TTC23L: variants seen among roughly 807,000 people sequenced by gnomAD.
TTC23L encodes tetratricopeptide repeat protein 23-like.
Under a neutral mutation model 48.1 loss-of-function variants are expected in TTC23L, and 42 were observed. The observed-to-expected ratio is 0.87, with a 90% CI of 0.68 to 1.13. The LOEUF is 1.13. Among genes scored for constraint, TTC23L ranks in the 50% most tolerant of loss-of-function variants. The pLI is 0.00. For missense variants in TTC23L, 391 were observed against 421.0 expected (o/e 0.93, Z 0.62); for synonymous variants, 159 against 157.2 (o/e 1.01, Z -0.09).
intron 4 of TTC23L, among the ~76,000 whole-genome samples, chr5:34,852,542 T>C (rs1050524358): frequency 5.3e-5 from 8 of 152,310 alleles, no homozygotes; most frequent in Non-Finnish European, 7.4e-5. Flanking sequence ...TAGGCCGTTA[T>C]CCTGCCCAGA....
chr5:34,906,332 G>A, the TTC23L span: 1 of 151,990 alleles, frequency 6.6e-6, no homozygotes. Flanking sequence ...ATTCTTTTTA[G>A]ATTCAACTTT....
the TTC23L span, chr5:34,922,887 A>T: frequency 8.1e-7 from 1 of 1,227,788 alleles, no homozygotes; most frequent in South Asian, 1.3e-5. Context: ...TGGATTATCA[A>T]TTCTTTCAGG....
At chr5:34,857,926 C>T (rs914495380) in intron 4 of TTC23L, among the ~76,000 whole-genome samples, 1 of 152,160 alleles carries the variant, frequency 6.6e-6, no homozygotes, top group African/African-American at 2.4e-5. Context: ...AGATGCTGAT[C>T]AAAGGTGACT....
chr5:34,863,801 C>T lies in TTC23L; in HGVS notation c.537-636C>T, dbSNP rs1468608659. Among the ~76,000 whole-genome samples, 2 of 152,168 alleles carry T rather than the reference C, an allele frequency of 1.3e-5. No individual in the cohort carries two copies. Among genetic ancestry groups the T allele is most frequent in the Non-Finnish European group, 2.9e-5 (2 of 68,028 alleles). On this transcript the variant is annotated intron_variant, in intron 5 of 10. Coordinates refer to ENST00000505624, the Ensembl canonical transcript of TTC23L. This position sits in a 1 kb window ranked among gnomAD's most constrained non-coding sequence, Gnocchi z 4.1. ...AGATGTTAAGGGCATTTGATGTTCA[C>T]GCATCATCATGAGCACTCTTTGAGC...
chr5:34,862,351 C>T (rs1442076866), intron 4 of TTC23L, among the ~76,000 whole-genome samples: 2 of 152,082 alleles, frequency 1.3e-5, no homozygotes, highest in Non-Finnish European at 2.9e-5. Flanking sequence ...CATTCATAAG[C>T]CCTTGTATTT....
intron 8 of TTC23L, among the ~76,000 whole-genome samples, chr5:34,872,026 A>C (rs1761501120): frequency 6.6e-6 from 1 of 152,100 alleles, no homozygotes; most frequent in Non-Finnish European, 1.5e-5. Context: ...GCCTGGATAC[A>C]AACTAAATAC....
chr5:34,855,607 A>G (rs1760063751), intron 4 of TTC23L, among the ~76,000 whole-genome samples: 1 of 152,234 alleles, frequency 6.6e-6, no homozygotes, highest in African/African-American at 2.4e-5. Flanking sequence ...AGCATCATTC[A>G]TGATAGGAAA....
chr5:34,924,750 CA>C, the TTC23L span: 1 of 705,792 alleles, frequency 1.4e-6, no homozygotes, highest in Middle Eastern at 4.3e-4. Flanking sequence ...TATGGATTAT[CA>C]ATTATTTCAG....
chr5:34,922,620 G>A, the TTC23L span: 3 of 1,592,234 alleles, frequency 1.9e-6, no homozygotes, highest in Non-Finnish European at 2.6e-6. Context: ...TTTTAGATGA[G>A]GAAATTAAAA....
chr5:34,851,656 C>T (rs1414057948), intron 4 of TTC23L, among the ~76,000 whole-genome samples: 1 of 152,148 alleles, frequency 6.6e-6, no homozygotes, highest in Non-Finnish European at 1.5e-5. Context: ...TTCAGAGTGA[C>T]CAGGAAGGAT....
intron 9 of TTC23L, among the ~76,000 whole-genome samples, chr5:34,885,728 C>T (rs1374429129): frequency 1.4e-5 from 2 of 138,810 alleles, no homozygotes; most frequent in Non-Finnish European, 3.1e-5. Context: ...GCCTGAGCAA[C>T]AGAGTGAGGC....
At chr5:34,907,265 T>C in the TTC23L span, 3 of 152,224 alleles carry the variant, frequency 2.0e-5, no homozygotes, top group African/African-American at 7.2e-5. Flanking sequence ...TTCTCAACAA[T>C]GAATAGTTTG....
At chr5:34,915,572 G>A in the TTC23L span, 1 of 815,696 alleles carries the variant, frequency 1.2e-6, no homozygotes, top group South Asian at 1.9e-5. Flanking sequence ...AGCTGAAGGA[G>A]GCCTAGAGAG....
chr5:34,922,738 A>G, the TTC23L span: 1 of 1,614,090 alleles, frequency 6.2e-7, no homozygotes, highest in Non-Finnish European at 8.5e-7. Context: ...ACTGTTTGAA[A>G]GGTTCTCGGC....
At chr5:34,897,257 C>T (rs1211953886) in intron 10 of TTC23L, among the ~76,000 whole-genome samples, 5 of 151,936 alleles carry the variant, frequency 3.3e-5, no homozygotes, top group East Asian at 1.9e-4. Context: ...TGGTAGCATG[C>T]GCCTGTAGTC....
At chr5:34,858,444 A>G (rs1760305515) in intron 4 of TTC23L, among the ~76,000 whole-genome samples, 2 of 152,146 alleles carry the variant, frequency 1.3e-5, no homozygotes, top group South Asian at 4.1e-4. Flanking sequence ...TCACAAGTGG[A>G]GGAAGCCTTG....
At chr5:34,861,123 A>G (rs1760600668) in intron 4 of TTC23L, 2 of 152,256 alleles carry the variant, frequency 1.3e-5, no homozygotes, top group Non-Finnish European at 2.9e-5. Context: ...GCACACCACC[A>G]TGCCCAACTA....
the TTC23L span, chr5:34,914,852 TG>T: frequency 6.2e-7 from 1 of 1,614,178 alleles, no homozygotes; most frequent in Non-Finnish European, 8.5e-7. Context: ...AAGGCTGTAC[TG>T]ATCATCCTCG....
At chr5:34,885,556 G>A (rs1412084576) in intron 9 of TTC23L, among the ~76,000 whole-genome samples, 3 of 151,978 alleles carry the variant, frequency 2.0e-5, no homozygotes, top group Non-Finnish European at 4.4e-5. Context: ...ACCAACCTGG[G>A]AAACATAGTG....
Sources: gnomAD v4.1 joint callset for allele counts (sites outside exome capture counted in the v4.1 genomes callset) on GRCh38, gnomAD v4.1.1 for gene constraint, Gnocchi (gnomAD v3.1) non-coding constraint, MANE v1.5 for transcripts, NCBI Gene and HGNC (gene_info 2026-07-23, HGNC 2026-07-21) for gene names.